Variants in LARS1 observed in about 807,000 individuals in gnomAD.
The protein encoded by LARS1 is leucyl-tRNA synthetase 1, also known as leucine--tRNA ligase, cytoplasmic.
LARS1 carries 100 observed loss-of-function variants against 162.8 expected under a neutral mutation model. That is an observed-to-expected ratio of 0.61 (90% CI 0.52 to 0.73). The LOEUF is 0.73. Among genes scored for constraint, LARS1 ranks in the 30% least tolerant of loss-of-function variants. LARS1 has a pLI of 0.00. For synonymous variants in LARS1, 457 were observed against 462.8 expected, an observed-to-expected ratio of 0.99 and a Z score of 0.16; for missense variants, 1,258 against 1,408.9, an observed-to-expected ratio of 0.89 and a Z score of 1.71.
chr5:146,182,340 G>A, intron 1 of LARS1, 148 bp downstream of exon 1: 1 of 1,018,882 alleles, frequency 9.8e-7, no homozygotes, highest in Non-Finnish European at 1.5e-6. Context: ...AAACTAGCAA[G>A]AAAAAGCAAA....
chr5:146,138,536 G>A (rs1752612257), intron 21 of LARS1, among the ~76,000 whole-genome samples: 1 of 151,760 alleles, frequency 6.6e-6, no homozygotes, highest in Non-Finnish European at 1.5e-5. Context: ...AGATCAGCCT[G>A]GCCAACATAC....
At chr5:146,175,540 C>CAA (rs869050326) in intron 2 of LARS1, among the ~76,000 whole-genome samples, 25 of 64,762 alleles carry the variant, frequency 3.9e-4, no homozygotes, top group African/African-American at 1.7e-3. Flanking sequence ...GACTCCACCT[C>CAA]AAAAAAAAAA....
In LARS1 at chr5:146,159,451, T is replaced by A. The variant is rs1002452733; in HGVS notation, c.727A>T (p.Lys243Ter). 13 of 1,612,026 alleles carry A rather than the reference T, an allele frequency of 8.1e-6. No individual in the cohort carries two copies. Among genetic ancestry groups the A allele is most frequent in the African/African-American group, 1.3e-5 (1 of 74,886 alleles). Residue 243 changes from lysine (K) to a stop codon, truncating the protein, a stop_gained, in exon 8 of 32, where the codon AAA becomes TAA. Transcript: ENST00000394434. LOFTEE classifies it high-confidence loss of function. The part of the protein sequence containing the change: ...FGKRYTIYSP[K>*]DGQPCMDHDR... ...TGATCCATGCAAGGCTGTCCATCTTTCGGAGAGTAAATTGTATACCTAAAA... is the reference window on the plus strand; with the variant it reads ...TGATCCATGCAAGGCTGTCCATCTTACGGAGAGTAAATTGTATACCTAAAA...
chr5:146,155,476 A>T (rs1753484248), intron 10 of LARS1, among the ~76,000 whole-genome samples: 1 of 152,236 alleles, frequency 6.6e-6, no homozygotes, highest in South Asian at 2.1e-4. Flanking sequence ...ATGAAGACAA[A>T]GTAAAAGGAT....
intron 15 of LARS1, among the ~76,000 whole-genome samples, chr5:146,147,533 A>G (rs1753066990): frequency 6.6e-6 from 1 of 152,168 alleles, no homozygotes; most frequent in Non-Finnish European, 1.5e-5. Context: ...TATACATTTG[A>G]AATTTTCCAT....
intron 1 of LARS1, among the ~76,000 whole-genome samples, chr5:146,179,885 G>C (rs1754759305): frequency 6.6e-6 from 1 of 152,202 alleles, no homozygotes; most frequent in South Asian, 2.1e-4. Context: ...TTACAGGCTT[G>C]AGCCATCGCC....
intron 29 of LARS1, among the ~76,000 whole-genome samples, chr5:146,123,383 G>A (rs1341021606): frequency 6.6e-6 from 1 of 151,784 alleles, no homozygotes; most frequent in Non-Finnish European, 1.5e-5. Flanking sequence ...TGGGGAGAAC[G>A]TCACAGATAT....
At chr5:146,163,515 G>T (rs970666125) in intron 6 of LARS1, among the ~76,000 whole-genome samples, 1 of 151,868 alleles carries the variant, frequency 6.6e-6, no homozygotes, top group Non-Finnish European at 1.5e-5. Flanking sequence ...GTGAAACCTC[G>T]TCTCTACTAA....
intron 5 of LARS1, among the ~76,000 whole-genome samples, chr5:146,167,095 T>C (rs1270333146): frequency 6.6e-6 from 1 of 152,082 alleles, no homozygotes; most frequent in East Asian, 1.9e-4. Context: ...TCGTTAAAAG[T>C]ATAAAGGTCA....
Position 146,143,102 on chromosome 5 carries a change from C to A in LARS1, c.1878-18G>T. ...GTTGCGGTCTGTATTAAAAATAAAA[C>A]AAACTATTTTATATATATATATATG... On this transcript the variant is annotated intron_variant, in intron 19 of 31. Transcript: ENST00000394434. 7.2e-7 allele frequency: 1 copy of A among 1,388,528 alleles called. No homozygotes were observed. Among genetic ancestry groups the A allele is most frequent in the Non-Finnish European group, 1.0e-6 (1 of 1,004,066 alleles). The allele number at this position is 1,388,528 out of a possible 1,614,324, so 86.0% of individuals were successfully genotyped here.
In LARS1 at chr5:146,149,706, GGAT is replaced by G; in HGVS notation, c.1426-10_1426-8del. ...ATCCATCCACCAACATGATCTAAAA[GGAT>G]GAGAGGGGAGAAAAACCACATATAA... On this transcript the variant is annotated splice_polypyrimidine_tract_variant and splice_region_variant and intron_variant, in intron 14 of 31. Coordinates refer to ENST00000394434, the MANE Select transcript of LARS1 (RefSeq NM_020117.11). 6.3e-7 allele frequency: 1 copy of G among 1,595,710 alleles called. No individual in the cohort carries two copies. Among genetic ancestry groups the G allele is most frequent in the Middle Eastern group, 1.7e-4 (1 of 6,032 alleles).
In LARS1 at chr5:146,128,757, T is replaced by C; in HGVS notation, c.2795A>G (p.Lys932Arg). Residue 932 changes from lysine to arginine, a missense_variant, in exon 27 of 32, where the codon AAG (lysine) becomes AGG (arginine). Lys to Arg is a conservative substitution (Grantham distance 26). Coordinates refer to ENST00000394434, the MANE Select transcript of LARS1 (RefSeq NM_020117.11). The stretch of plus-strand genomic sequence containing the variant: ...CACATAGATGGTGCAATGTGAGGGC[T>C]TCTGCAGGGGTTGTTTGTCAGTCTT... ...GKKTDKQPLQ[K>R]PSHCTIYVAK... 1 of 1,603,944 alleles carries C rather than the reference T, an allele frequency of 6.2e-7. No homozygotes were observed. Among genetic ancestry groups the C allele is most frequent in the African/African-American group, 1.3e-5 (1 of 74,348 alleles).
rs76304107 is a variant in LARS1, at chr5:146,140,014, C to G, written c.2148+190G>C. ...TAGAGATGGGGTCTCACTATATCGT[C>G]CAGGCTGGTCTTGAACTCCTGGCCT... On this transcript the variant is annotated intron_variant, in intron 21 of 31. Coordinates refer to ENST00000394434, the MANE Select transcript of LARS1 (RefSeq NM_020117.11). Among the ~76,000 whole-genome samples the G allele has an allele frequency of 0.12, 18,185 of 151,964 alleles. 1,239 individuals are homozygous for G. Among genetic ancestry groups the G allele is most frequent in the Non-Finnish European group, 0.15 (10,162 of 67,960 alleles).
chr5:146,143,110 T>C lies in LARS1; in HGVS notation c.1878-26A>G, dbSNP rs764538640. 4 of 1,236,666 alleles carry C rather than the reference T, an allele frequency of 3.2e-6. No homozygotes were observed. The East Asian group carries it at 7.9e-5, about 24-fold the overall frequency. 76.6% of individuals were successfully genotyped at this position (1,236,666 alleles called of 1,614,324 possible). ...CTGTATTAAAAATAAAACAAACTAT[T>C]TTATATATATATATATGTAATTTCT... On this transcript the variant is annotated intron_variant, in intron 19 of 31. Coordinates refer to ENST00000394434, the MANE Select transcript of LARS1 (RefSeq NM_020117.11).
chr5:146,139,712 A>C (rs1394936146), intron 21 of LARS1: 1 of 153,758 alleles, frequency 6.5e-6, no homozygotes, highest in Non-Finnish European at 1.4e-5. Flanking sequence ...CTCTACTAAA[A>C]ATACAAAAAA....
At chr5:146,129,243 G>T in intron 25 of LARS1, 125 bp from the exon 26 acceptor site, 1 of 756,392 alleles carries the variant, frequency 1.3e-6, no homozygotes, top group Non-Finnish European at 2.0e-6. Context: ...GTTCAAACTT[G>T]ACTACACATA....
chr5:146,158,777 T>C (rs1430647749), intron 8 of LARS1, among the ~76,000 whole-genome samples: 1 of 152,154 alleles, frequency 6.6e-6, no homozygotes, highest in Non-Finnish European at 1.5e-5. Flanking sequence ...AGCATGCATA[T>C]ACATCACATT....
chr5:146,149,429 A>G (rs1051677637), intron 15 of LARS1, among the ~76,000 whole-genome samples, 193 bp downstream of exon 15: 2 of 152,216 alleles, frequency 1.3e-5, no homozygotes, highest in Non-Finnish European at 2.9e-5. Context: ...ACTTTAAAAC[A>G]CTACCTTTAT....
At chr5:146,166,099 C>A (rs2126562019) in intron 5 of LARS1, among the ~76,000 whole-genome samples, 1 of 152,242 alleles carries the variant, frequency 6.6e-6, no homozygotes, top group South Asian at 2.1e-4. Flanking sequence ...GTGATACCCC[C>A]AGGCAATGAG....
Sources: allele counts gnomAD v4.1 joint callset (sites outside exome capture counted in the v4.1 genomes callset), GRCh38; gene constraint gnomAD v4.1.1; transcripts MANE v1.5; gene names NCBI Gene and HGNC (gene_info 2026-07-23, HGNC 2026-07-21).